CDH18: variants seen among roughly 807,000 people sequenced by gnomAD.
The protein encoded by CDH18 is cadherin-18.
A neutral mutation model predicts 67.9 loss-of-function variants in CDH18; 31 were observed. The ratio of observed to expected loss-of-function variants is 0.46; its 90% CI spans 0.34 to 0.62. The LOEUF (loss-of-function observed/expected upper bound fraction) is 0.62. CDH18 is among the 20% of genes least tolerant of loss of function. The pLI, the probability that CDH18 is intolerant of heterozygous loss-of-function variation, is 0.01. For missense variants in CDH18, 890 were observed against 975.5 expected (o/e 0.91, Z 1.17); for synonymous variants, 362 against 347.2 (o/e 1.04, Z -0.48).
intron 1 of CDH18, among the ~76,000 whole-genome samples, chr5:20,257,213 C>T (rs1350141857): frequency 1.3e-5 from 2 of 151,976 alleles, no homozygotes; most frequent in Admixed American, 6.6e-5. Context: ...TTCAGGTGGG[C>T]TGTCATTAGG....
chr5:20,091,799 A>G (rs1745461737), intron 2 of CDH18, among the ~76,000 whole-genome samples: 2 of 152,156 alleles, frequency 1.3e-5, no homozygotes, highest in African/African-American at 2.4e-5. Flanking sequence ...ATTAAAAAAA[A>G]AACCTTAAAC....
intron 5 of CDH18, among the ~76,000 whole-genome samples, chr5:19,667,530 A>C (rs1758143231): frequency 1.3e-5 from 2 of 150,352 alleles, no homozygotes; most frequent in Admixed American, 1.3e-4. Context: ...ACACACACAC[A>C]TACACACACA....
chr5:19,742,044 C>T (rs761909221), intron 4 of CDH18, among the ~76,000 whole-genome samples: 2 of 152,046 alleles, frequency 1.3e-5, no homozygotes, highest in African/African-American at 4.8e-5. Context: ...AAGATACATG[C>T]AAATCTTACA....
intron 2 of CDH18, among the ~76,000 whole-genome samples, chr5:20,241,862 A>AAT (rs1160319050): frequency 5.4e-4 from 9 of 16,762 alleles, no homozygotes; most frequent in African/African-American, 3.2e-3. Context: ...AAAAAAAAAA[A>AAT]AAATAAAATA....
At chr5:20,288,444 GATATAT>G (rs10534377) in intron 1 of CDH18, among the ~76,000 whole-genome samples, 7 of 147,992 alleles carry the variant, frequency 4.7e-5, no homozygotes, top group Admixed American at 2.0e-4. Context: ...CAAAAAATAC[GATATAT>G]ATATATATAT....
At chr5:20,273,626 CA>C (rs1366301114) in intron 1 of CDH18, among the ~76,000 whole-genome samples, 2 of 151,724 alleles carry the variant, frequency 1.3e-5, no homozygotes, top group African/African-American at 2.4e-5. Flanking sequence ...TAAATCTTGA[CA>C]AAAAATTCAA....
chr5:19,711,426 CAAAT>C (rs1292695866), intron 5 of CDH18, among the ~76,000 whole-genome samples: 2 of 151,114 alleles, frequency 1.3e-5, no homozygotes, highest in African/African-American at 4.9e-5. Context: ...CAACAACAAA[CAAAT>C]AACCCTATTT....
chr5:20,277,528 G>C (rs1745900309), intron 1 of CDH18, among the ~76,000 whole-genome samples: 1 of 151,992 alleles, frequency 6.6e-6, no homozygotes, highest in African/African-American at 2.4e-5. Flanking sequence ...TGAATACCTG[G>C]AAAGCCTTTC....
At chr5:19,989,611 TC>T (rs1440542983), upstream of CDH18, among the ~76,000 whole-genome samples, 1 of 152,206 alleles carries the variant, frequency 6.6e-6, no homozygotes, top group African/African-American at 2.4e-5. Context: ...TTCTAATTAC[TC>T]CCCTCTTTTC....
chr5:20,332,751 T>C (rs1229961040), intron 1 of CDH18, among the ~76,000 whole-genome samples: 1 of 152,152 alleles, frequency 6.6e-6, no homozygotes, highest in Non-Finnish European at 1.5e-5. Flanking sequence ...TAAAAACTTA[T>C]AAAAACAAGA....
intron 2 of CDH18, among the ~76,000 whole-genome samples, chr5:20,146,582 G>A (rs1161460408): frequency 2.7e-5 from 4 of 150,074 alleles, no homozygotes; most frequent in Non-Finnish European, 5.9e-5. Context: ...GCTTTATAGT[G>A]TATGGCAAAT....
At chr5:19,702,669 G>A (rs1350698139) in intron 5 of CDH18, among the ~76,000 whole-genome samples, 1 of 152,034 alleles carries the variant, frequency 6.6e-6, no homozygotes, top group Non-Finnish European at 1.5e-5. Context: ...TCAGGAGGCT[G>A]ACTCACGAGA....
chr5:19,803,120 T>C (rs2149857045), intron 3 of CDH18, among the ~76,000 whole-genome samples: 1 of 152,328 alleles, frequency 6.6e-6, no homozygotes, highest in Non-Finnish European at 1.5e-5. Context: ...TGCCTTTGGG[T>C]ACAAATACTC....
intron 2 of CDH18, among the ~76,000 whole-genome samples, chr5:19,978,121 T>C (rs1012837213): frequency 5.3e-5 from 8 of 152,148 alleles, no homozygotes; most frequent in Admixed American, 1.3e-4. Flanking sequence ...CCTAAGACTG[T>C]ACAAAATAAT....
At chr5:20,172,610 T>A (rs2126655355) in intron 2 of CDH18, among the ~76,000 whole-genome samples, 1 of 151,888 alleles carries the variant, frequency 6.6e-6, no homozygotes, top group South Asian at 2.1e-4. Flanking sequence ...AAAAAAATAT[T>A]GAGGGAACAA....
At chr5:20,423,946 C>CAAAAAAAAAAAAAAA (rs553723574) in intron 1 of CDH18, among the ~76,000 whole-genome samples, 3 of 63,826 alleles carry the variant, frequency 4.7e-5, no homozygotes, top group African/African-American at 2.7e-4. Context: ...GACTCCGTCT[C>CAAAAAAAAAAAAAAA]AAAAAAAAAA....
At chr5:19,677,803 A>T (rs1759706912) in intron 5 of CDH18, among the ~76,000 whole-genome samples, 1 of 152,014 alleles carries the variant, frequency 6.6e-6, no homozygotes, top group Non-Finnish European at 1.5e-5. Flanking sequence ...CTAAAAACTA[A>T]CAAAGATATT....
intron 8 of CDH18, among the ~76,000 whole-genome samples, chr5:19,564,668 A>T (rs149268796): frequency 1.2e-3 from 189 of 152,200 alleles, no homozygotes; most frequent in African/African-American, 4.0e-3. Flanking sequence ...CTTCCTGCTC[A>T]AGGACGGGAA....
At chr5:19,770,878 C>G (rs1773656829) in intron 3 of CDH18, among the ~76,000 whole-genome samples, 1 of 152,168 alleles carries the variant, frequency 6.6e-6, no homozygotes, top group Non-Finnish European at 1.5e-5. Context: ...TTCTTTGTAG[C>G]TTCACAGAAC....
Sources: gnomAD v4.1 joint callset for allele counts (sites outside exome capture counted in the v4.1 genomes callset) on GRCh38, gnomAD v4.1.1 for gene constraint, MANE v1.5 for transcripts, NCBI Gene and HGNC (gene_info 2026-07-23, HGNC 2026-07-21) for gene names.